The following RIPOR2 variants were observed in gnomAD, a reference collection of about 807,000 sequenced individuals.
RIPOR2 encodes RHO family interacting cell polarization regulator 2.
A neutral mutation model predicts 114.5 loss-of-function variants in RIPOR2; 39 were observed. The observed-to-expected ratio is 0.34, with a 90% confidence interval of 0.26 to 0.44. RIPOR2 has a LOEUF of 0.44. RIPOR2 is among the 20% of genes least tolerant of loss of function. RIPOR2 has a pLI of 1.00. For synonymous variants in RIPOR2, 445 were observed against 484.4 expected (o/e 0.92, Z 1.07); for missense variants, 1,007 against 1,255.1 (o/e 0.80, Z 2.99).
chr6:24,879,968 G>A (rs1349577231), intron 1 of RIPOR2, among the ~76,000 whole-genome samples: 1 of 152,198 alleles, frequency 6.6e-6, no homozygotes, highest in Non-Finnish European at 1.5e-5. Context: ...TTAATAGCAG[G>A]TGCTCCATTG....
intron 2 of RIPOR2, among the ~76,000 whole-genome samples, chr6:24,874,102 C>T (rs1018443062): frequency 6.6e-6 from 1 of 152,146 alleles, no homozygotes; most frequent in Non-Finnish European, 1.5e-5. Context: ...CCAATCATAG[C>T]TCACTGCAGC....
chr6:25,010,025 C>T (rs572948098), intron 1 of RIPOR2, among the ~76,000 whole-genome samples: 7 of 152,206 alleles, frequency 4.6e-5, no homozygotes, highest in African/African-American at 1.7e-4. Context: ...AGAACAGCTT[C>T]AAGAGAAGAG....
intron 1 of RIPOR2, among the ~76,000 whole-genome samples, chr6:24,970,005 G>T (rs1252231103): frequency 6.6e-6 from 1 of 152,146 alleles, no homozygotes. Flanking sequence ...AAATAAATGA[G>T]TCTGGGGATA....
At chr6:24,991,355 T>C (rs745723456) in intron 1 of RIPOR2, among the ~76,000 whole-genome samples, 2 of 152,256 alleles carry the variant, frequency 1.3e-5, no homozygotes, top group Non-Finnish European at 2.9e-5. Context: ...TTTAATAACC[T>C]ATATAATTTG....
intron 17 of RIPOR2, among the ~76,000 whole-genome samples, chr6:24,829,166 A>G (rs894058804): frequency 1.3e-5 from 2 of 151,862 alleles, no homozygotes; most frequent in African/African-American, 4.8e-5. Flanking sequence ...TATAAAAATT[A>G]GCTGGTCATG....
chr6:24,972,629 G>A (rs1773836865), intron 1 of RIPOR2, among the ~76,000 whole-genome samples: 2 of 152,192 alleles, frequency 1.3e-5, no homozygotes. Flanking sequence ...AGTGAAACTA[G>A]GAGGTGGAAG....
chr6:25,001,309 G>A (rs982270193), intron 1 of RIPOR2, among the ~76,000 whole-genome samples: 1 of 152,076 alleles, frequency 6.6e-6, no homozygotes, highest in Non-Finnish European at 1.5e-5. Flanking sequence ...TAGGTCAGGG[G>A]TTAGCAAACT....
At chr6:24,855,023 CA>C (rs71310727) in intron 8 of RIPOR2, among the ~76,000 whole-genome samples, 4,850 of 54,436 alleles carry the variant, frequency 0.089, 57 homozygotes, top group African/African-American at 0.2. Flanking sequence ...AACTCCGTCT[CA>C]AAAAAAAAAA....
intron 8 of RIPOR2, among the ~76,000 whole-genome samples, chr6:24,853,305 G>A (rs895630125): frequency 7.2e-5 from 11 of 152,160 alleles, no homozygotes; most frequent in Non-Finnish European, 1.5e-4. Flanking sequence ...TGCTCGATTC[G>A]AGATCTCTCT....
At chr6:24,978,583 GTTA>G (rs1408759907) in intron 1 of RIPOR2, among the ~76,000 whole-genome samples, 1 of 152,074 alleles carries the variant, frequency 6.6e-6, no homozygotes, top group Non-Finnish European at 1.5e-5. Flanking sequence ...TCTTCAGAGG[GTTA>G]TTATTTAGGG....
chr6:25,023,678 C>A (rs559328777), intron 1 of RIPOR2: 3 of 762,098 alleles, frequency 3.9e-6, no homozygotes, highest in Middle Eastern at 3.5e-4. Context: ...TCCAGTGAAG[C>A]GGTTCTCCAC....
chr6:25,023,600 T>C, intron 1 of RIPOR2: 1 of 765,916 alleles, frequency 1.3e-6, no homozygotes, highest in Non-Finnish European at 2.4e-6. Context: ...GGTGAAGGCC[T>C]TGATGTCTAA....
At chr6:24,932,346 GAGAGAGAGAAAA>G (rs1771464855) in intron 1 of RIPOR2, among the ~76,000 whole-genome samples, 1 of 150,170 alleles carries the variant, frequency 6.7e-6, no homozygotes, top group Non-Finnish European at 1.5e-5. Flanking sequence ...GTGTGTGTAT[GAGAGAGAGAAAA>G]AGAGAGAGAA....
chr6:24,854,528 C>T (rs1763253974), intron 8 of RIPOR2, among the ~76,000 whole-genome samples: 1 of 152,198 alleles, frequency 6.6e-6, no homozygotes, highest in African/African-American at 2.4e-5. Context: ...AGTGACCCAG[C>T]TTTACTTTAA....
chr6:24,897,950 G>C (rs1178103513), intron 1 of RIPOR2, among the ~76,000 whole-genome samples: 1 of 151,892 alleles, frequency 6.6e-6, no homozygotes, highest in East Asian at 2.0e-4. Flanking sequence ...CTTGAACCCG[G>C]GAGGCGGAGG....
chr6:24,983,888 G>A (rs1774417624), intron 1 of RIPOR2, among the ~76,000 whole-genome samples: 1 of 151,650 alleles, frequency 6.6e-6, no homozygotes, highest in African/African-American at 2.4e-5. Context: ...TCTATCCAAT[G>A]GTATAGAAAG....
rs1457631757 is a variant in RIPOR2 at position 24,873,915 on chromosome 6, C to A, written c.189-116G>T. 1.0e-5 allele frequency: 9 copies of A among 895,340 alleles called. No individual in the cohort carries two copies. The African/African-American group carries it at 1.0e-4, about 10-fold the overall frequency. The allele number at this position is 895,340 out of a possible 1,614,324, so 55.5% of individuals were successfully genotyped here. A position where few individuals can be genotyped will look rare whatever the true frequency, so the allele number is the denominator to read the frequency against. On this transcript the variant is annotated intron_variant, in intron 2 of 21. Coordinates refer to ENST00000643898, the MANE Select transcript of RIPOR2 (RefSeq NM_001286445.3). ...TAGAGACAAAGTCTTCTTCTGTCAT[C>A]CAGGCTGGAGTATGGTGGTGTGATC...
intron 1 of RIPOR2, among the ~76,000 whole-genome samples, chr6:24,973,419 G>A (rs1365085968): frequency 6.6e-6 from 1 of 151,896 alleles, no homozygotes; most frequent in Non-Finnish European, 1.5e-5. Context: ...TGGCCAACAT[G>A]GTGAAACCCC....
rs775078040 is a variant in RIPOR2 at position 24,865,326 on chromosome 6, T to C, written c.626A>G (p.Asn209Ser). The change falls in exon 7 of 22, where the codon AAT (asparagine) becomes AGT (serine). Residue 209 changes from asparagine to serine, a missense_variant. By Grantham distance (46) the Asn-to-Ser change is conservative. Transcript: ENST00000643898. ...CTCTGTGTACTCCTTGAAGCTCCGA[T>C]TGATCTCTGTCAGACTCTCCCGGGC... The part of the protein sequence containing the change: ...KAARESLTEI[N>S]RSFKEYTENM... 9.3e-6 allele frequency: 15 copies of C among 1,613,152 alleles called. No homozygotes were observed. The highest frequency in any genetic ancestry group is 2.2e-5 in the South Asian group (2 of 90,846).
Sources: gnomAD v4.1 joint callset for allele counts (sites outside exome capture counted in the v4.1 genomes callset) on GRCh38, gnomAD v4.1.1 for gene constraint, MANE v1.5 for transcripts, NCBI Gene and HGNC (gene_info 2026-07-23, HGNC 2026-07-21) for gene names.